The following PCDH15 variants were observed in gnomAD, a reference collection of about 807,000 sequenced individuals.
PCDH15 encodes protocadherin-15.
PCDH15 carries 129 observed loss-of-function variants against 178.5 expected under a neutral mutation model. The ratio of observed to expected loss-of-function variants is 0.72; its 90% CI spans 0.63 to 0.84. The LOEUF (loss-of-function observed/expected upper bound fraction) is 0.84. Among genes scored for constraint, PCDH15 ranks in the 40% least tolerant of loss-of-function variants. PCDH15 has a pLI of 0.00. For synonymous variants in PCDH15, 800 were observed against 732.0 expected, an observed-to-expected ratio of 1.09 and a Z score of -1.50; for missense variants, 2,230 against 2,099.9, an observed-to-expected ratio of 1.06 and a Z score of -1.21.
intron 3 of PCDH15, among the ~76,000 whole-genome samples, chr10:54,379,495 G>A (rs1451909714): frequency 6.6e-6 from 1 of 152,060 alleles, no homozygotes; most frequent in Non-Finnish European, 1.5e-5. Flanking sequence ...TGGAATAGAA[G>A]CCATTCTTCT....
intron 2 of PCDH15, among the ~76,000 whole-genome samples, chr10:55,421,969 C>T (rs907368661): frequency 9.2e-5 from 14 of 151,596 alleles, no homozygotes; most frequent in African/African-American, 2.9e-4. Flanking sequence ...ATGCCTTTAT[C>T]GAGATATGAT....
At chr10:54,512,365 G>GTC (rs888919095) in intron 3 of PCDH15, among the ~76,000 whole-genome samples, 1 of 90,810 alleles carries the variant, frequency 1.1e-5, no homozygotes, top group African/African-American at 4.9e-5. Context: ...GGCATTGTGT[G>GTC]TGTGTGTGTG....
chr10:53,970,335 T>C (rs1462441528), intron 21 of PCDH15, among the ~76,000 whole-genome samples: 1 of 152,086 alleles, frequency 6.6e-6, no homozygotes, highest in African/African-American at 2.4e-5. Flanking sequence ...ATGCACCCAA[T>C]ACAGGAGCAC....
At chr10:54,855,565 T>G (rs1006348583) in intron 3 of PCDH15, among the ~76,000 whole-genome samples, 2 of 152,242 alleles carry the variant, frequency 1.3e-5, no homozygotes, top group Admixed American at 6.5e-5. Flanking sequence ...CTCCACAGAA[T>G]TCTTAAATTG....
At position 54,039,522 on chromosome 10, in the gene PCDH15, T is replaced by C. The variant is rs186920203; in HGVS notation, c.2221-16325A>G. On this transcript the variant is annotated intron_variant, in intron 18 of 37. Coordinates refer to ENST00000644397, the MANE Select transcript of PCDH15 (RefSeq NM_001384140.1). ...TCTCCCTTACTCTGTGGCAAGCTAG[T>C]CTGACATGATATCTAACAGAAGGAA... Among the ~76,000 whole-genome samples the C allele has an allele frequency of 3.3e-3, 500 of 152,062 alleles. 1 individual carries two copies. Among genetic ancestry groups the C allele is most frequent in the Middle Eastern group, 6.8e-3 (2 of 294 alleles).
At chr10:54,312,259 C>T (rs907726800) in intron 8 of PCDH15, among the ~76,000 whole-genome samples, 2 of 152,018 alleles carry the variant, frequency 1.3e-5, no homozygotes, top group African/African-American at 2.4e-5. Flanking sequence ...ATGTGAAGCT[C>T]AAAAACTAAC....
intron 14 of PCDH15, among the ~76,000 whole-genome samples, chr10:54,144,190 C>T (rs1297090771): frequency 2.6e-5 from 4 of 152,002 alleles, no homozygotes; most frequent in African/African-American, 4.8e-5. Flanking sequence ...ACGCTGCCCA[C>T]GATGCCCCTC....
chr10:54,025,827 G>A (rs1466579515), intron 18 of PCDH15, among the ~76,000 whole-genome samples: 1 of 151,892 alleles, frequency 6.6e-6, no homozygotes, highest in Non-Finnish European at 1.5e-5. Flanking sequence ...CAGCAATGGT[G>A]GTCAAGCCCC....
At chr10:54,756,361 C>T (rs74136264) in intron 1 of PCDH15, among the ~76,000 whole-genome samples, 1,921 of 152,178 alleles carry the variant, frequency 0.013, 40 homozygotes, top group African/African-American at 0.044. Flanking sequence ...GTGTCCATTA[C>T]GTAATAAGAG....
chr10:55,042,191 T>C (rs1840880552), intron 2 of PCDH15, among the ~76,000 whole-genome samples: 1 of 152,144 alleles, frequency 6.6e-6, no homozygotes, highest in South Asian at 2.1e-4. Context: ...ACCATGTTTA[T>C]AACCCTCTGA....
At position 54,527,932 on chromosome 10, in the gene PCDH15, A is replaced by G. The variant is rs2083517030; in HGVS notation, c.92-55T>C. The G allele has an allele frequency of 2.0e-5, 28 of 1,376,676 alleles. No individual in the cohort carries two copies. In the South Asian group the frequency reaches 3.0e-4, roughly 15 times the overall value. The allele number at this position is 1,376,676 out of a possible 1,614,324, so 85.3% of individuals were successfully genotyped here. A position where few individuals can be genotyped will look rare whatever the true frequency, so the allele number is the denominator to read the frequency against. On this transcript the variant is annotated intron_variant, in intron 2 of 37. Coordinates refer to ENST00000644397, the MANE Select transcript of PCDH15 (RefSeq NM_001384140.1). ...ATTGACTGCAGGGGCACACACAATG[A>G]GAAAAAAATTCATTGAGATGTATAT...
intron 29 of PCDH15, among the ~76,000 whole-genome samples, chr10:53,835,011 T>TATAAG (rs1245098298): frequency 1.3e-5 from 2 of 152,316 alleles, no homozygotes; most frequent in Non-Finnish European, 2.9e-5. Context: ...CATTACACTG[T>TATAAG]ATAAGATTTT....
chr10:54,940,889 C>T (rs1838044426), intron 2 of PCDH15, among the ~76,000 whole-genome samples: 1 of 152,002 alleles, frequency 6.6e-6, no homozygotes, highest in Non-Finnish European at 1.5e-5. Context: ...CTCATATTTT[C>T]CACCTATTTG....
upstream of PCDH15, among the ~76,000 whole-genome samples, chr10:55,320,248 C>A (rs1843853090): frequency 6.6e-6 from 1 of 152,152 alleles, no homozygotes; most frequent in African/African-American, 2.4e-5. Flanking sequence ...GTGCAAACTA[C>A]CCCACCACCA....
chr10:54,285,163 A>G (rs138643186), intron 8 of PCDH15, among the ~76,000 whole-genome samples: 1 of 152,148 alleles, frequency 6.6e-6, no homozygotes, highest in Non-Finnish European at 1.5e-5. Context: ...AGTCAACCAT[A>G]TAATACTTCA....
intron 2 of PCDH15, among the ~76,000 whole-genome samples, chr10:55,083,705 A>T (rs1564783950): frequency 1.3e-5 from 2 of 151,948 alleles, no homozygotes; most frequent in African/African-American, 4.8e-5. Flanking sequence ...GAACTGATAA[A>T]CACATTCAGT....
At chr10:54,842,442 G>T (rs1476065959) in intron 3 of PCDH15, among the ~76,000 whole-genome samples, 1 of 151,660 alleles carries the variant, frequency 6.6e-6, no homozygotes, top group East Asian at 1.9e-4. Flanking sequence ...ATGAATCTTT[G>T]CTACTCCATC....
intron 3 of PCDH15, among the ~76,000 whole-genome samples, chr10:54,391,382 AT>A (rs35939383): frequency 0.86 from 129,496 of 151,370 alleles, 55,585 homozygotes; most frequent in East Asian, 0.98. Flanking sequence ...ATTTTGAGTT[AT>A]TTTTTTTTTC....
intron 2 of PCDH15, among the ~76,000 whole-genome samples, chr10:55,111,043 AG>A (rs1210919791): frequency 2.0e-5 from 3 of 152,180 alleles, no homozygotes; most frequent in Non-Finnish European, 4.4e-5. Flanking sequence ...TTAGTAACAA[AG>A]TCAATGTCAA....
Sources: allele counts gnomAD v4.1 joint callset (sites outside exome capture counted in the v4.1 genomes callset), GRCh38; gene constraint gnomAD v4.1.1; transcripts MANE v1.5; gene names NCBI Gene and HGNC (gene_info 2026-07-23, HGNC 2026-07-21).